The following SMAP2 variants were observed in gnomAD, a reference collection of about 807,000 sequenced individuals.
SMAP2 encodes the protein stromal membrane-associated protein 2.
SMAP2 carries 25 observed loss-of-function variants against 56.4 expected under a neutral mutation model. The ratio of observed to expected loss-of-function variants is 0.44; its 90% CI spans 0.32 to 0.62. SMAP2 has a LOEUF of 0.62. Ranked by LOEUF, SMAP2 falls within the 20% of genes least tolerant of loss-of-function variation. The probability of loss-of-function intolerance (pLI) is 0.04; values close to 1 mark genes in which losing one functional copy is unlikely to be tolerated. For synonymous variants in SMAP2, 157 were observed against 181.7 expected (o/e 0.86, Z 1.09); for missense variants, 388 against 545.6 (o/e 0.71, Z 2.88).
At chr1:40,382,040 T>TA (rs1644604503) in intron 1 of SMAP2, among the ~76,000 whole-genome samples, 2 of 152,210 alleles carry the variant, frequency 1.3e-5, no homozygotes, top group African/African-American at 4.8e-5. Context: ...TTAGGATGCA[T>TA]AAACAGGTAG....
At chr1:40,384,572 G>A (rs1204891237) in intron 1 of SMAP2, among the ~76,000 whole-genome samples, 1 of 152,132 alleles carries the variant, frequency 6.6e-6, no homozygotes, top group Non-Finnish European at 1.5e-5. Flanking sequence ...TATATTAATG[G>A]AATTGGTGGA....
At chr1:40,352,297 G>A (rs1055583900) in intron 1 of SMAP2, among the ~76,000 whole-genome samples, 3 of 152,010 alleles carry the variant, frequency 2.0e-5, no homozygotes, top group Admixed American at 2.0e-4. Flanking sequence ...TCGTGATCTG[G>A]CCCTCACCCT....
chr1:40,364,758 A>AG (rs56761638), intron 2 of SMAP2: 1 of 151,848 alleles, frequency 6.6e-6, no homozygotes, highest in Non-Finnish European at 1.5e-5. Flanking sequence ...AAAAAAAAAA[A>AG]TGGCTCAAGG....
At chr1:40,420,131 T>G (rs1645027899) in intron 9 of SMAP2, among the ~76,000 whole-genome samples, 1 of 152,230 alleles carries the variant, frequency 6.6e-6, no homozygotes, top group South Asian at 2.1e-4. Flanking sequence ...GTCTCATTAA[T>G]TTTTTTCAAA....
At chr1:40,387,677 G>A (rs761320484) in intron 1 of SMAP2, among the ~76,000 whole-genome samples, 1 of 152,144 alleles carries the variant, frequency 6.6e-6, no homozygotes, top group Admixed American at 6.5e-5. Flanking sequence ...CACATTGAGA[G>A]GTGACAGCGT....
At chr1:40,370,959 G>T (rs1261461535), upstream of SMAP2, among the ~76,000 whole-genome samples, 1 of 152,110 alleles carries the variant, frequency 6.6e-6, no homozygotes, top group Non-Finnish European at 1.5e-5. Flanking sequence ...CGGGTCACGA[G>T]GTCAGGAGAT....
rs1157243416 is a variant in SMAP2, at chr1:40,385,121, C to T, written c.103+10898C>T. Reference sequence around the variant, plus strand: ...GTCAGCGTAAGGTTGCTCTGGTGGTCGTCTTCAGTTTGTCCAGCTCTTCCC... The same window carrying T: ...GTCAGCGTAAGGTTGCTCTGGTGGTTGTCTTCAGTTTGTCCAGCTCTTCCC... On this transcript the variant is annotated intron_variant, in intron 1 of 9. Transcript: ENST00000372718. The surrounding 1 kb of genome is among the most constrained non-coding windows in gnomAD (Gnocchi z 4.5). Among the ~76,000 whole-genome samples, 2 of 152,128 alleles carry T rather than the reference C, an allele frequency of 1.3e-5. No individual in the cohort carries two copies. Among genetic ancestry groups the T allele is most frequent in the East Asian group, 3.8e-4 (2 of 5,200 alleles).
chr1:40,387,670 A>G (rs1037915412), intron 1 of SMAP2, among the ~76,000 whole-genome samples: 2 of 152,048 alleles, frequency 1.3e-5, no homozygotes, highest in Non-Finnish European at 2.9e-5. Context: ...GCACTTTCAC[A>G]TTGAGAGGTG....
chr1:40,390,844 CAATTTTAG>C (rs2124272432), intron 1 of SMAP2, among the ~76,000 whole-genome samples: 1 of 152,264 alleles, frequency 6.6e-6, no homozygotes, highest in African/African-American at 2.4e-5. Context: ...AGGTTTGTTA[CAATTTTAG>C]AATTTTGTAC....
chr1:40,354,767 ATTTTTTTTT>A (rs774191085), intron 1 of SMAP2, among the ~76,000 whole-genome samples: 16 of 67,330 alleles, frequency 2.4e-4, no homozygotes, highest in East Asian at 1.7e-3. Context: ...AAAACATTGA[ATTTTTTTTT>A]TTTTTTTTTT....
chr1:40,360,004 C>CTTTTT (rs775408458), intron 1 of SMAP2, among the ~76,000 whole-genome samples: 1,476 of 102,250 alleles, frequency 0.014, 6 homozygotes, highest in Middle Eastern at 0.019. Flanking sequence ...CTTCTTCTTT[C>CTTTTT]TTTTTTTTTT....
At chr1:40,358,849 G>T (rs991249287) in intron 1 of SMAP2, among the ~76,000 whole-genome samples, 13 of 151,964 alleles carry the variant, frequency 8.6e-5, no homozygotes, top group African/African-American at 3.1e-4. Context: ...AATGTATTGG[G>T]GTCTATTTCT....
At chr1:40,409,638 T>G in intron 3 of SMAP2, 119 bp from the exon 4 acceptor site, 1 of 676,208 alleles carries the variant, frequency 1.5e-6, no homozygotes, top group Non-Finnish European at 2.6e-6. Context: ...GCAGGAGCCA[T>G]GTGGGGAAAC....
intron 1 of SMAP2, among the ~76,000 whole-genome samples, chr1:40,376,116 G>T (rs1391554923): frequency 6.6e-6 from 1 of 151,592 alleles, no homozygotes; most frequent in South Asian, 2.1e-4. Context: ...ATGCCCAGCT[G>T]ATTTTTGTAT....
At chr1:40,401,529 A>C (rs1284767859) in intron 1 of SMAP2, among the ~76,000 whole-genome samples, 1 of 152,126 alleles carries the variant, frequency 6.6e-6, no homozygotes, top group Non-Finnish European at 1.5e-5. Context: ...CATAGATTAG[A>C]ACTCAATGAT....
At chr1:40,381,635 A>T (rs1644600059) in intron 1 of SMAP2, among the ~76,000 whole-genome samples, 1 of 152,118 alleles carries the variant, frequency 6.6e-6, no homozygotes, top group Admixed American at 6.6e-5. Context: ...TAGTCAGGAT[A>T]CTGTAAGGTT....
chr1:40,381,513 A>G (rs561859159), intron 1 of SMAP2, among the ~76,000 whole-genome samples: 1 of 152,242 alleles, frequency 6.6e-6, no homozygotes, highest in African/African-American at 2.4e-5. Flanking sequence ...AGGGAACAGA[A>G]TGTGCAAAGC....
intron 1 of SMAP2, among the ~76,000 whole-genome samples, chr1:40,388,309 G>A (rs887558080): frequency 3.3e-5 from 5 of 152,266 alleles, no homozygotes; most frequent in Admixed American, 6.5e-5. Context: ...AAGCCAGCTG[G>A]GCTCCTGAGT....
rs145573437 is a variant in SMAP2, at chr1:40,377,226, C to T, written c.103+3003C>T. ...ACCTGGGCAACTGAGCCCAGGAGGT[C>T]GAAGCTGCAGTGGGCCATGATTGAG... On this transcript the variant is annotated intron_variant, in intron 1 of 9. Transcript: ENST00000372718. Among the ~76,000 whole-genome samples, 332 of 152,304 alleles carry T rather than the reference C, an allele frequency of 2.2e-3. 2 individuals carry two copies. Among genetic ancestry groups the T allele is most frequent in the African/African-American group, 7.8e-3 (325 of 41,550 alleles).
Sources: allele counts gnomAD v4.1 joint callset (sites outside exome capture counted in the v4.1 genomes callset), GRCh38; gene constraint gnomAD v4.1.1; non-coding constraint Gnocchi (gnomAD v3.1); transcripts MANE v1.5; gene names NCBI Gene and HGNC (gene_info 2026-07-23, HGNC 2026-07-21).